HIVEP1: variants seen among roughly 807,000 people sequenced by gnomAD.
HIVEP1 encodes HIVEP zinc finger 1.
A neutral mutation model predicts 180.0 loss-of-function variants in HIVEP1; 36 were observed. The observed-to-expected ratio is 0.20, with a 90% CI of 0.15 to 0.26. HIVEP1 has a LOEUF of 0.26. Among genes scored for constraint, HIVEP1 ranks in the 10% least tolerant of loss-of-function variants. The pLI is 1.00. For missense variants in HIVEP1, 3,143 were observed against 3,268.7 expected, an observed-to-expected ratio of 0.96 and a Z score of 0.94; for synonymous variants, 1,239 against 1,239.0, an observed-to-expected ratio of 1.00 and a Z score of 0.00.
chr6:12,125,665 A>G lies in HIVEP1; in HGVS notation c.5870A>G (p.Gln1957Arg), dbSNP rs924827261. The change falls in exon 4 of 9, where the codon CAG becomes CGG. Residue 1957 changes from glutamine (Q) to arginine (R), a missense_variant. Physicochemically the swap from Gln to Arg is conservative, Grantham distance 43. Around this residue, in one of 12 missense-constraint regions of HIVEP1, gnomAD observed 1,357 missense variants for 1,260.5 expected, o/e 1.08. Transcript: ENST00000379388. ...AGGCAGAAGTCGTTGCATTTGCCTC[A>G]GAAGGACCAGAAAACTTCAGCCTAT... ...LLRQKSLHLPQKDQKTSAYTD... is the reference protein window; with the variant it reads ...LLRQKSLHLPRKDQKTSAYTD... 3 of 1,614,230 alleles carry G rather than the reference A, an allele frequency of 1.9e-6. No individual in the cohort carries two copies. The highest frequency in any genetic ancestry group is 2.5e-6 in the Non-Finnish European group (3 of 1,180,042).
At chr6:12,034,485 T>C (rs1041343857) in intron 2 of HIVEP1, among the ~76,000 whole-genome samples, 1 of 152,218 alleles carries the variant, frequency 6.6e-6, no homozygotes, top group Non-Finnish European at 1.5e-5. Context: ...GACTCTGGCA[T>C]ACATTGTAGC....
At position 12,123,535 on chromosome 6, in the gene HIVEP1, T is replaced by C; in HGVS notation, c.3740T>C (p.Leu1247Pro). The change falls in exon 4 of 9, where the codon CTG becomes CCG. Residue 1247 changes from leucine to proline, a missense_variant. By Grantham distance (98) the Leu-to-Pro change is moderately conservative. Coordinates refer to ENST00000379388, the MANE Select transcript of HIVEP1 (RefSeq NM_002114.4). ...ILVTEEPDRD[L>P]EAQCHDQEKS... ...GTCACAGAAGAACCAGATCGAGACC[T>C]GGAAGCTCAATGCCATGATCAAGAA... is the stretch of plus-strand genomic sequence containing the variant. 6.2e-7 allele frequency: 1 copy of C among 1,614,136 alleles called. No individual in the cohort carries two copies. The highest frequency in any genetic ancestry group is 8.5e-7 in the Non-Finnish European group (1 of 1,180,028).
chr6:12,097,175 G>A (rs1773831070), intron 3 of HIVEP1, among the ~76,000 whole-genome samples: 1 of 151,962 alleles, frequency 6.6e-6, no homozygotes. Context: ...ATATATTTTA[G>A]TGAATCTGTT....
At chr6:12,072,088 T>C (rs137982119) in intron 2 of HIVEP1, among the ~76,000 whole-genome samples, 225 of 151,234 alleles carry the variant, frequency 1.5e-3, no homozygotes, top group African/African-American at 4.9e-3. Flanking sequence ...TCTTCTTCTT[T>C]TTTTTTTTTT....
At chr6:12,011,062 A>T (rs1767252077), upstream of HIVEP1, among the ~76,000 whole-genome samples, 1 of 152,210 alleles carries the variant, frequency 6.6e-6, no homozygotes, top group African/African-American at 2.4e-5. Context: ...GGCCTCTGGA[A>T]TAACCTTGGC....
chr6:12,077,539 A>G (rs9366970), intron 2 of HIVEP1, among the ~76,000 whole-genome samples: 8,094 of 152,242 alleles, frequency 0.053, 216 homozygotes, highest in South Asian at 0.1. Context: ...GAGCCTTCTC[A>G]GGGAATGTGT....
chr6:12,167,715 A>AT (rs1562023873), downstream of HIVEP1, among the ~76,000 whole-genome samples: 30 of 75,106 alleles, frequency 4.0e-4, 2 homozygotes, highest in African/African-American at 1.3e-3. Flanking sequence ...ATATATGCAT[A>AT]ATATATATAC....
At chr6:12,139,657 T>A (rs577119368) in intron 7 of HIVEP1, among the ~76,000 whole-genome samples, 1 of 152,372 alleles carries the variant, frequency 6.6e-6, no homozygotes, top group East Asian at 1.9e-4. Context: ...TCCAACAGTC[T>A]TAGCAAATGG....
rs994763340 is a variant in HIVEP1 at position 12,032,595 on chromosome 6, G to C, written c.40+16927G>C. Among the ~76,000 whole-genome samples, 17 of 152,240 alleles carry C rather than the reference G, an allele frequency of 1.1e-4. 1 individual carries two copies. Among genetic ancestry groups the C allele is most frequent in the African/African-American group, 3.6e-4 (15 of 41,538 alleles). Reference sequence around the variant, plus strand: ...TGACAGAATGTTACTTAATCTCTCTGAACCTGTTTTCTCATCCTAAATTGG... The same window carrying C: ...TGACAGAATGTTACTTAATCTCTCTCAACCTGTTTTCTCATCCTAAATTGG... On this transcript the variant is annotated intron_variant, in intron 2 of 8. Transcript: ENST00000379388.
chr6:12,141,871 C>T (rs1320470097), intron 7 of HIVEP1, among the ~76,000 whole-genome samples: 1 of 151,932 alleles, frequency 6.6e-6, no homozygotes, highest in Non-Finnish European at 1.5e-5. Flanking sequence ...CAGGAGCACC[C>T]AGATTCATAA....
chr6:12,117,077 T>C (rs913482060), intron 3 of HIVEP1, among the ~76,000 whole-genome samples: 1 of 152,008 alleles, frequency 6.6e-6, no homozygotes, highest in African/African-American at 2.4e-5. Flanking sequence ...CTTTAGAAAA[T>C]TGTAGAGAAA....
At chr6:12,097,315 ATT>A (rs199873320) in intron 3 of HIVEP1, among the ~76,000 whole-genome samples, 107 of 138,770 alleles carry the variant, frequency 7.7e-4, no homozygotes, top group Admixed American at 7.9e-4. Context: ...TGCACCAGCC[ATT>A]TTTTTTTTTT....
At position 12,124,242 on chromosome 6, in the gene HIVEP1, C is replaced by T. The variant is rs1404950886; in HGVS notation, c.4447C>T (p.His1483Tyr). The change falls in exon 4 of 9, where the codon CAC (histidine) becomes TAC (tyrosine). Residue 1483 changes from histidine (H) to tyrosine (Y), a missense_variant. This residue lies in a region of HIVEP1 where 1,357 missense variants were observed against 1,260.5 expected (regional missense o/e 1.08). Coordinates refer to ENST00000379388, the MANE Select transcript of HIVEP1 (RefSeq NM_002114.4). ...SLAEFSANTL[H>Y]SQTQVKDLQA... The stretch of plus-strand genomic sequence containing the variant: ...AGCTGAGTTTTCTGCAAATACTTTG[C>T]ACTCTCAGACTCAGGTTAAGGATCT... The T allele has an allele frequency of 1.9e-6, 3 of 1,613,966 alleles. No homozygotes were observed. The highest frequency in any genetic ancestry group is 2.5e-6 in the Non-Finnish European group (3 of 1,180,022).
Position 12,120,633 on chromosome 6 carries a change from G to C in HIVEP1, c.838G>C (p.Ala280Pro). ...GAATGAGCAAGGGGCAATGCAGTCA[G>C]CTTCTCATTTGTATCATCAACATGA... ...QKNEQGAMQSASHLYHQHEHF... is the reference protein window; with the variant it reads ...QKNEQGAMQSPSHLYHQHEHF... Residue 280 changes from alanine (A) to proline (P), a missense_variant, in exon 4 of 9, where the codon GCT becomes CCT. Coordinates refer to ENST00000379388, the MANE Select transcript of HIVEP1 (RefSeq NM_002114.4). 1 of 1,614,162 alleles carries C rather than the reference G, an allele frequency of 6.2e-7. No homozygotes were observed. The highest frequency in any genetic ancestry group is 8.5e-7 in the Non-Finnish European group (1 of 1,180,016).
chr6:12,023,973 A>G (rs1005211120), intron 2 of HIVEP1, among the ~76,000 whole-genome samples: 2 of 152,254 alleles, frequency 1.3e-5, no homozygotes, highest in Admixed American at 1.3e-4. Context: ...TTCTTGTATT[A>G]TGCAGAAAAA....
chr6:12,055,289 A>G (rs1013229703), intron 2 of HIVEP1, among the ~76,000 whole-genome samples: 4 of 152,264 alleles, frequency 2.6e-5, no homozygotes, highest in African/African-American at 9.6e-5. Context: ...CCTGGCCAAC[A>G]CGGTGAAACT....
In HIVEP1 at chr6:12,015,689, G is replaced by T. The variant is rs769633864; in HGVS notation, c.40+21G>T. 1.0e-5 allele frequency: 16 copies of T among 1,604,668 alleles called. No homozygotes were observed. In the South Asian group the frequency reaches 1.8e-4, roughly 18 times the overall value. The stretch of plus-strand genomic sequence containing the variant: ...AAGAGGTAAAGCATTGCATTAAGTA[G>T]AAGTAAGGCTTGCTGTAAATCTTTT... On this transcript the variant is annotated intron_variant, in intron 2 of 8. Transcript: ENST00000379388.
chr6:12,182,981 A>G, the HIVEP1 span, among the ~76,000 whole-genome samples: 2 of 152,144 alleles, frequency 1.3e-5, no homozygotes, highest in Non-Finnish European at 2.9e-5. Context: ...TGATTTTTCT[A>G]AAGTGAAGAA....
intron 3 of HIVEP1, among the ~76,000 whole-genome samples, chr6:12,112,919 C>T (rs911960552): frequency 2.6e-5 from 4 of 152,076 alleles, no homozygotes; most frequent in East Asian, 1.9e-4. Flanking sequence ...GTTCTTCTCC[C>T]GGCTGCAGGG....
Sources: gnomAD v4.1 joint callset for allele counts (sites outside exome capture counted in the v4.1 genomes callset) on GRCh38, gnomAD v4.1.1 for gene constraint, gnomAD v4.1.1 regional missense constraint, MANE v1.5 for transcripts, NCBI Gene and HGNC (gene_info 2026-07-23, HGNC 2026-07-21) for gene names.